Variants in KRT26 observed in about 807,000 individuals in gnomAD.
The protein encoded by KRT26 is keratin, type I cytoskeletal 26.
KRT26 carries 45 observed loss-of-function variants against 46.1 expected under a neutral mutation model. The ratio of observed to expected loss-of-function variants is 0.98; its 90% CI spans 0.77 to 1.25. The LOEUF is 1.25. KRT26 is among the 50% of genes most tolerant of loss of function. The probability of loss-of-function intolerance (pLI) is 0.00; values close to 1 mark genes in which losing one functional copy is unlikely to be tolerated. For synonymous variants in KRT26, 191 were observed against 209.9 expected (o/e 0.91, Z 0.78); for missense variants, 582 against 560.1 (o/e 1.04, Z -0.39).
At chr17:40,768,952 G>C (rs201250906) in exon 6 of KRT26, 54 of 1,611,602 alleles carry the variant, frequency 3.4e-5, no homozygotes, top group Non-Finnish European at 4.4e-5. Flanking sequence ...TCAAGAAGCT[G>C]TTCATACTCC....
chr17:40,768,190 C>A (rs2038186386), intron 6 of KRT26, among the ~76,000 whole-genome samples: 1 of 152,178 alleles, frequency 6.6e-6, no homozygotes, highest in Non-Finnish European at 1.5e-5. Flanking sequence ...CAAGACGTTA[C>A]CTCCTCACTA....
At chr17:40,770,052 T>G (rs1380729299) in exon 4 of KRT26, 1 of 1,614,040 alleles carries the variant, frequency 6.2e-7, no homozygotes, top group African/African-American at 1.3e-5. Flanking sequence ...GACAGTTAGG[T>G]CCACTCCTGG....
exon 4 of KRT26, chr17:40,770,087 G>A (rs746798484): frequency 1.7e-5 from 27 of 1,613,964 alleles, no homozygotes; most frequent in Middle Eastern, 1.6e-4. Context: ...CCACGTTCAC[G>A]TTCCCCCCAG....
Position 40,767,654 on chromosome 17 carries a change from C to T in KRT26, c.1188-1G>A. The stretch of plus-strand genomic sequence containing the variant: ...TTTGTAACATGTGGATTTGCTTTTT[C>T]TGTGAAGAGAAGAGTAAATTATTGC... On this transcript the variant is annotated splice_acceptor_variant, in intron 6 of 7. Transcript: ENST00000335552. LOFTEE classifies it high-confidence loss of function. The T allele has an allele frequency of 6.3e-7, 1 of 1,597,452 alleles. No individual in the cohort carries two copies. Among genetic ancestry groups the T allele is most frequent in the East Asian group, 2.2e-5 (1 of 44,520 alleles).
intron 5 of KRT26, 121 bp from the exon 6 acceptor site, chr17:40,769,217 G>T: frequency 1.6e-6 from 1 of 625,328 alleles, no homozygotes; most frequent in Non-Finnish European, 2.7e-6. Context: ...GAGTGCAGTG[G>T]CATGATCTTG....
exon 4 of KRT26, chr17:40,770,064 G>T: frequency 6.2e-7 from 1 of 1,614,108 alleles, no homozygotes; most frequent in Non-Finnish European, 8.5e-7. Context: ...CACTCCTGGG[G>T]TTGCATTCAT....
At chr17:40,770,666 T>A (rs987320281) in intron 2 of KRT26, among the ~76,000 whole-genome samples, 1 of 152,190 alleles carries the variant, frequency 6.6e-6, no homozygotes, top group Non-Finnish European at 1.5e-5. Context: ...TTTTAGATTT[T>A]AAAAAATATG....
chr17:40,766,385 C>T (rs2038172275), exon 8 of KRT26: 3 of 676,196 alleles, frequency 4.4e-6, no homozygotes. Flanking sequence ...AAATTCTAGC[C>T]CTTTTAAGAA....
intron 6 of KRT26, 49 bp downstream of exon 6, chr17:40,768,827 GAAA>G (rs2038192465): frequency 9.6e-7 from 1 of 1,038,612 alleles, no homozygotes; most frequent in African/African-American, 1.6e-5. Flanking sequence ...TATACTGTGG[GAAA>G]ACCTAGTTAA....
chr17:40,772,058 C>T, exon 1 of KRT26: 3 of 1,614,162 alleles, frequency 1.9e-6, no homozygotes, highest in Non-Finnish European at 2.5e-6. Flanking sequence ...GGACAGCCTA[C>T]CAGACCCAGT....
chr17:40,771,598 A>G, intron 1 of KRT26, 75 bp downstream of exon 1: 1 of 1,375,046 alleles, frequency 7.3e-7, no homozygotes, highest in Non-Finnish European at 1.0e-6. Context: ...TGTTAGGCAC[A>G]TTTTATATTT....
intron 6 of KRT26, among the ~76,000 whole-genome samples, chr17:40,768,180 C>T (rs941163822): frequency 1.2e-4 from 18 of 152,152 alleles, no homozygotes; most frequent in African/African-American, 4.3e-4. Context: ...TTGGAGGGTG[C>T]AAGACGTTAC....
chr17:40,769,190 G>T, intron 5 of KRT26, 94 bp from the exon 6 acceptor site: 1 of 787,788 alleles, frequency 1.3e-6, no homozygotes. Context: ...ACTGTGTCTT[G>T]CTCTGTCACC....
chr17:40,771,804 G>A lies in KRT26; in HGVS notation c.310C>T (p.Leu104=), dbSNP rs762814433. The stretch of plus-strand genomic sequence containing the variant: ...TCCAGGTCTGCGTTGGCCTCCTCTA[G>A]AGCATGCACATGGTCCAGGTAGGAT... The change falls in exon 1 of 8, where the codon CTA becomes TTA. Residue 104 remains leucine, a synonymous_variant. Transcript: ENST00000335552. 6.8e-6 allele frequency: 11 copies of A among 1,614,050 alleles called. No homozygotes were observed. The African/African-American group carries it at 1.3e-4, about 20-fold the overall frequency.
rs1423980121 is a variant in KRT26 at position 40,771,816 on chromosome 17, G to A, written c.298C>T (p.His100Tyr). 2.5e-6 allele frequency: 4 copies of A among 1,614,036 alleles called. No homozygotes were observed. The Admixed American group carries it at 6.7e-5, about 27-fold the overall frequency. ...TTGGCCTCCTCTAGAGCATGCACAT[G>A]GTCCAGGTAGGATGCCAGGCGGTCG... The change falls in exon 1 of 8, where the codon CAT becomes TAT. Residue 100 changes from histidine to tyrosine, a missense_variant. Physicochemically the swap from His to Tyr is moderately conservative, Grantham distance 83. Coordinates refer to ENST00000335552, the Ensembl canonical transcript of KRT26.
exon 2 of KRT26, chr17:40,771,177 CAGT>C: frequency 6.2e-7 from 1 of 1,602,098 alleles, no homozygotes; most frequent in Non-Finnish European, 8.5e-7. Context: ...CATCAGCGGT[CAGT>C]CTGGCATTGT....
intron 6 of KRT26, 62 bp from the exon 7 acceptor site, chr17:40,767,715 C>A: frequency 1.2e-6 from 1 of 843,564 alleles, no homozygotes. Flanking sequence ...TTATAAATAC[C>A]TCTAAATTGG....
At position 40,767,606 on chromosome 17, in the gene KRT26, T is replaced by A. The variant is rs548595910; in HGVS notation, c.1235A>T (p.Asn412Ile). Residue 412 changes from asparagine (N) to isoleucine (I), a missense_variant, in exon 7 of 8, where the codon AAT becomes ATT. Physicochemically the swap from Asn to Ile is moderately radical, Grantham distance 149 (BLOSUM62 -3). Transcript: ENST00000335552. Reference sequence around the variant, plus strand: ...TATACCTTTGGCTTGATTTCCAGAATTCACAGGCCTGTATCCTTTTGATTT... The same window carrying A: ...TATACCTTTGGCTTGATTTCCAGAAATCACAGGCCTGTATCCTTTTGATTT... 3.3e-5 allele frequency: 53 copies of A among 1,606,290 alleles called. No individual in the cohort carries two copies. The East Asian group carries it at 1.1e-3, about 35-fold the overall frequency.
Position 40,769,319 on chromosome 17 carries a change from G to A in KRT26, c.970-223C>T, listed in dbSNP as rs146502620. 2.0e-3 allele frequency among the ~76,000 whole-genome samples: 311 copies of A among 152,174 alleles called. 3 individuals are homozygous for A. Among genetic ancestry groups the A allele is most frequent in the Middle Eastern group, 0.02 (6 of 294 alleles). On this transcript the variant is annotated intron_variant, in intron 5 of 7. Coordinates refer to ENST00000335552, the Ensembl canonical transcript of KRT26. ...TTACAGGTACATGCCACCACACCCA[G>A]CTAATTTTTATATTTTTAGTAGAGA... is the stretch of plus-strand genomic sequence containing the variant.
Sources: gnomAD v4.1 joint callset for allele counts (sites outside exome capture counted in the v4.1 genomes callset) on GRCh38, gnomAD v4.1.1 for gene constraint, MANE v1.5 for transcripts, NCBI Gene and HGNC (gene_info 2026-07-23, HGNC 2026-07-21) for gene names.